Variants in EPB41L4A observed in about 807,000 individuals in gnomAD.
The protein encoded by EPB41L4A is band 4.1-like protein 4A.
In EPB41L4A, 100 loss-of-function variants were observed where a neutral mutation model predicts 108.6. That is an observed-to-expected ratio of 0.92 (90% confidence interval 0.78 to 1.09). The LOEUF is 1.09. Among genes scored for constraint, EPB41L4A ranks in the 50% least tolerant of loss-of-function variants. The pLI, the probability that EPB41L4A is intolerant of heterozygous loss-of-function variation, is 0.00. For missense variants in EPB41L4A, 1,030 were observed against 842.7 expected (o/e 1.22, Z -2.75); for synonymous variants, 319 against 289.0 (o/e 1.10, Z -1.05).
intron 1 of EPB41L4A, among the ~76,000 whole-genome samples, chr5:112,362,501 A>G (rs402027): frequency 0.67 from 101,198 of 151,900 alleles, 33,896 homozygotes; most frequent in South Asian, 0.82. Flanking sequence ...GGCTGGTCTC[A>G]AACTCCTGAC....
chr5:112,333,240 C>T (rs868180148), intron 1 of EPB41L4A, among the ~76,000 whole-genome samples: 1 of 151,884 alleles, frequency 6.6e-6, no homozygotes, highest in African/African-American at 2.4e-5. Flanking sequence ...GGGGCAAGCT[C>T]CTAATTCCTT....
intron 1 of EPB41L4A, among the ~76,000 whole-genome samples, chr5:112,326,364 T>C (rs1464655171): frequency 6.6e-6 from 1 of 152,068 alleles, no homozygotes; most frequent in African/African-American, 2.4e-5. Context: ...ACACAAATAG[T>C]TCACCAGAGC....
At chr5:112,178,380 C>G (rs558111393) in intron 18 of EPB41L4A, among the ~76,000 whole-genome samples, 119 of 152,204 alleles carry the variant, frequency 7.8e-4, no homozygotes, top group African/African-American at 2.8e-3. Flanking sequence ...ACATCCCTCT[C>G]TCAATGACTA....
intron 11 of EPB41L4A, among the ~76,000 whole-genome samples, chr5:112,237,841 C>T (rs1749462014): frequency 6.6e-6 from 1 of 152,110 alleles, no homozygotes; most frequent in Non-Finnish European, 1.5e-5. Context: ...TACATATAGA[C>T]ATGTAGATTT....
At chr5:112,388,497 T>C (rs1195624828) in intron 1 of EPB41L4A, among the ~76,000 whole-genome samples, 1 of 152,172 alleles carries the variant, frequency 6.6e-6, no homozygotes, top group East Asian at 1.9e-4. Flanking sequence ...GTCACTTTCA[T>C]AGCTCCCACA....
chr5:112,164,871 C>T lies in EPB41L4A; in HGVS notation c.*119G>A. On this transcript the variant is annotated 3_prime_UTR_variant, in exon 23 of 23. Coordinates refer to ENST00000261486, the MANE Select transcript of EPB41L4A (RefSeq NM_022140.5). Reference sequence around the variant, plus strand: ...AAAGAAGCAAAAGATAATGTATTTTCTCATGCTGAAGAAATACTTGCAGGT... The same window carrying T: ...AAAGAAGCAAAAGATAATGTATTTTTTCATGCTGAAGAAATACTTGCAGGT... 4 of 918,258 alleles carry T rather than the reference C, an allele frequency of 4.4e-6. No individual in the cohort carries two copies. Among genetic ancestry groups the T allele is most frequent in the Non-Finnish European group, 6.2e-6 (4 of 647,932 alleles). 56.9% of individuals were successfully genotyped at this position (918,258 alleles called of 1,614,324 possible).
chr5:112,162,285 A>G (rs1017811486), downstream of EPB41L4A: 10 of 152,208 alleles, frequency 6.6e-5, no homozygotes, highest in Non-Finnish European at 1.3e-4. Context: ...GACAGTGAGG[A>G]TGTGAATAAA....
chr5:112,319,563 A>C (rs1194257858), intron 1 of EPB41L4A, among the ~76,000 whole-genome samples: 4 of 152,340 alleles, frequency 2.6e-5, no homozygotes, highest in East Asian at 1.9e-4. Flanking sequence ...ATCACTTCTA[A>C]GTTTTTCCTG....
At chr5:112,387,503 C>T (rs926186202) in intron 1 of EPB41L4A, among the ~76,000 whole-genome samples, 6 of 152,166 alleles carry the variant, frequency 3.9e-5, no homozygotes, top group African/African-American at 1.4e-4. Context: ...GTGGCAGGGG[C>T]CTGTAGTCCC....
chr5:112,212,968 A>T (rs1236424371), intron 12 of EPB41L4A, among the ~76,000 whole-genome samples: 2 of 152,248 alleles, frequency 1.3e-5, no homozygotes, highest in South Asian at 2.1e-4. Context: ...AAATTAACAG[A>T]GAAAAACAGA....
chr5:112,418,273 C>T (rs2112853908), intron 1 of EPB41L4A, among the ~76,000 whole-genome samples: 1 of 152,334 alleles, frequency 6.6e-6, no homozygotes, highest in Non-Finnish European at 1.5e-5. Context: ...GGAAGAGGAT[C>T]TCTGCGAGCT....
intron 9 of EPB41L4A, among the ~76,000 whole-genome samples, chr5:112,243,638 C>T (rs1749982686): frequency 6.6e-6 from 1 of 152,174 alleles, no homozygotes; most frequent in African/African-American, 2.4e-5. Flanking sequence ...TTAGCTAGAT[C>T]TTCTGGATTA....
chr5:112,177,210 C>T (rs1760913964), intron 18 of EPB41L4A, among the ~76,000 whole-genome samples: 1 of 152,158 alleles, frequency 6.6e-6, no homozygotes, highest in Non-Finnish European at 1.5e-5. Flanking sequence ...TTTCTGCAGA[C>T]TCAAGGGAAA....
At chr5:112,258,332 A>G (rs1419741982) in intron 9 of EPB41L4A, among the ~76,000 whole-genome samples, 1 of 152,182 alleles carries the variant, frequency 6.6e-6, no homozygotes, top group Admixed American at 6.5e-5. Context: ...CAGCTCTCCT[A>G]TTCCTGTGTC....
intron 17 of EPB41L4A, among the ~76,000 whole-genome samples, chr5:112,190,381 G>A (rs553051426): frequency 2.6e-5 from 4 of 152,142 alleles, no homozygotes; most frequent in South Asian, 4.2e-4. Flanking sequence ...AGAAAACTAC[G>A]CACTTGACGC....
intron 1 of EPB41L4A, among the ~76,000 whole-genome samples, chr5:112,334,014 G>C (rs1756760387): frequency 6.6e-6 from 1 of 152,156 alleles, no homozygotes; most frequent in Non-Finnish European, 1.5e-5. Flanking sequence ...TGAAAAACTA[G>C]TTCAGGCCAT....
chr5:112,161,518 G>A (rs1164597731), downstream of EPB41L4A: 1 of 519,218 alleles, frequency 1.9e-6, no homozygotes. Context: ...TTGGAAACTA[G>A]TGAATGTGGT....
chr5:112,235,530 T>A (rs1749268325), intron 11 of EPB41L4A, among the ~76,000 whole-genome samples: 1 of 152,176 alleles, frequency 6.6e-6, no homozygotes, highest in Non-Finnish European at 1.5e-5. Context: ...CAAGTCTAGT[T>A]TGATTCACCA....
intron 1 of EPB41L4A, among the ~76,000 whole-genome samples, chr5:112,328,506 A>G (rs560915795): frequency 6.6e-6 from 1 of 152,334 alleles, no homozygotes; most frequent in East Asian, 1.9e-4. Flanking sequence ...GGATATTGCT[A>G]TATAAATAAT....
Sources: allele counts gnomAD v4.1 joint callset (sites outside exome capture counted in the v4.1 genomes callset), GRCh38; gene constraint gnomAD v4.1.1; transcripts MANE v1.5; gene names NCBI Gene and HGNC (gene_info 2026-07-23, HGNC 2026-07-21).